The following PTPRG variants were observed in gnomAD, a reference collection of about 807,000 sequenced individuals.
PTPRG encodes receptor-type tyrosine-protein phosphatase gamma.
In PTPRG, 102 loss-of-function variants were observed where a neutral mutation model predicts 165.3. That is an observed-to-expected ratio of 0.62 (90% confidence interval 0.53 to 0.73). The LOEUF (loss-of-function observed/expected upper bound fraction) is 0.73, where lower values mean the gene tolerates loss of function less well. Ranked by LOEUF, PTPRG falls within the 30% of genes least tolerant of loss-of-function variation. PTPRG has a pLI of 0.00. For synonymous variants in PTPRG, 675 were observed against 669.5 expected (o/e 1.01, Z -0.13); for missense variants, 1,866 against 1,861.4 (o/e 1.00, Z -0.05).
chr3:62,078,059 A>C, intron 4 of PTPRG, 104 bp from the exon 5 acceptor site: 1 of 786,204 alleles, frequency 1.3e-6, no homozygotes, highest in Non-Finnish European at 2.0e-6. Context: ...AATTTGGCAA[A>C]ATCTTATTAG....
intron 2 of PTPRG, among the ~76,000 whole-genome samples, chr3:61,843,681 G>C (rs905056145): frequency 6.6e-6 from 1 of 151,626 alleles, no homozygotes; most frequent in African/African-American, 2.4e-5. Flanking sequence ...TTATTCTATC[G>C]GCAGGTTTCC....
intron 2 of PTPRG, among the ~76,000 whole-genome samples, chr3:61,831,250 AAT>A (rs2036284397): frequency 2.0e-5 from 3 of 152,232 alleles, no homozygotes; most frequent in Admixed American, 2.0e-4. Flanking sequence ...GAAATATAGA[AAT>A]ATGTGTGTAA....
chr3:61,564,909 G>A (rs1023557700), intron 1 of PTPRG, among the ~76,000 whole-genome samples: 21 of 152,244 alleles, frequency 1.4e-4, no homozygotes, highest in Non-Finnish European at 2.4e-4. Context: ...ACCCGCTGGG[G>A]GCTGGAGTTA....
chr3:61,761,707 C>T (rs1559597780), intron 2 of PTPRG, among the ~76,000 whole-genome samples: 1 of 152,192 alleles, frequency 6.6e-6, no homozygotes, highest in African/African-American at 2.4e-5. Flanking sequence ...TCCTTGGACA[C>T]GGGAAGCCAC....
At chr3:61,760,380 C>T (rs1273698094) in intron 2 of PTPRG, among the ~76,000 whole-genome samples, 4 of 152,100 alleles carry the variant, frequency 2.6e-5, no homozygotes, top group African/African-American at 9.7e-5. Context: ...TTTCTCGCTG[C>T]CCTGGAAACT....
chr3:61,578,312 A>G (rs991441095), intron 1 of PTPRG, among the ~76,000 whole-genome samples: 8 of 152,226 alleles, frequency 5.3e-5, no homozygotes, highest in African/African-American at 1.9e-4. Flanking sequence ...ACAGACTGAT[A>G]TAATCCATTG....
rs1269939253 is a variant in PTPRG at position 61,671,737 on chromosome 3, C to T, written c.86-77141C>T. The stretch of plus-strand genomic sequence containing the variant: ...GCGGCCGGGCAGAGGCGCCCCTCAC[C>T]TCCTGGACGGGGCGGCTGGCCGGGC... On this transcript the variant is annotated intron_variant, in intron 1 of 29. Transcript: ENST00000474889. Among the ~76,000 whole-genome samples the T allele has an allele frequency of 2.9e-3, 424 of 146,542 alleles. 3 individuals carry two copies. Among genetic ancestry groups the T allele is most frequent in the African/African-American group, 0.01 (409 of 39,154 alleles).
intron 1 of PTPRG, among the ~76,000 whole-genome samples, chr3:61,696,359 AGGTGT>A (rs1019090857): frequency 2.2e-4 from 34 of 152,072 alleles, no homozygotes; most frequent in African/African-American, 7.5e-4. Flanking sequence ...AAAATTAGCC[AGGTGT>A]GGTGGCAGGC....
chr3:62,118,865 C>T (rs754071420), intron 5 of PTPRG, among the ~76,000 whole-genome samples: 2 of 152,186 alleles, frequency 1.3e-5, no homozygotes, highest in Non-Finnish European at 2.9e-5. Flanking sequence ...ATCTTTTGGA[C>T]ATAAATCCCA....
At position 62,124,437 on chromosome 3, in the gene PTPRG, T is replaced by A. The variant is rs1703207640; in HGVS notation, c.616-8165T>A. On this transcript the variant is annotated intron_variant, in intron 5 of 29. Transcript: ENST00000474889. ...TGCAGGATTTCCATCTTGCTCACAT[T>A]CTTGTTCTGGGGGATGCTGGGCACC... 2.5e-6 allele frequency: 4 copies of A among 1,613,904 alleles called. No homozygotes were observed. The East Asian group carries it at 8.9e-5, about 36-fold the overall frequency.
intron 1 of PTPRG, among the ~76,000 whole-genome samples, chr3:61,741,557 C>T (rs1049957279): frequency 6.6e-6 from 1 of 152,216 alleles, no homozygotes; most frequent in Non-Finnish European, 1.5e-5. Context: ...TGTTACTACG[C>T]TGTTTTGCTT....
At chr3:62,159,254 C>T (rs1704653508) in intron 7 of PTPRG, among the ~76,000 whole-genome samples, 1 of 151,794 alleles carries the variant, frequency 6.6e-6, no homozygotes, top group South Asian at 2.1e-4. Context: ...TCACTTGAGT[C>T]TAGGAGGTCA....
intron 1 of PTPRG, among the ~76,000 whole-genome samples, chr3:61,685,162 G>A (rs545610266): frequency 6.6e-6 from 1 of 152,178 alleles, no homozygotes; most frequent in Non-Finnish European, 1.5e-5. Flanking sequence ...AAAAAATTGG[G>A]CAATGTGCTT....
rs146620357 is a variant in PTPRG at position 62,051,543 on chromosome 3, A to G, written c.520-26620A>G. Among the ~76,000 whole-genome samples the G allele has an allele frequency of 2.6e-5, 4 of 152,338 alleles. No homozygotes were observed. The East Asian group carries it at 7.7e-4, about 29-fold the overall frequency. On this transcript the variant is annotated intron_variant, in intron 4 of 29. Coordinates refer to ENST00000474889, the MANE Select transcript of PTPRG (RefSeq NM_002841.4). ...GAAGTACCTAATTTGGAATAATTATATTAAATTCAGATTCCAGGGCCCCCC... is the reference window on the plus strand; with the variant it reads ...GAAGTACCTAATTTGGAATAATTATGTTAAATTCAGATTCCAGGGCCCCCC...
intron 12 of PTPRG, among the ~76,000 whole-genome samples, chr3:62,205,878 A>G (rs922922951): frequency 1.1e-4 from 17 of 152,174 alleles, no homozygotes; most frequent in Non-Finnish European, 2.5e-4. Context: ...AAGACCTCTC[A>G]GGCCTCTGCG....
At chr3:62,251,386 G>T (rs1701414691) in intron 15 of PTPRG, among the ~76,000 whole-genome samples, 1 of 151,248 alleles carries the variant, frequency 6.6e-6, no homozygotes, top group Non-Finnish European at 1.5e-5. Context: ...TGGTGGCATG[G>T]GCCTGTAGTT....
At chr3:61,666,523 C>G (rs1702817352) in intron 1 of PTPRG, among the ~76,000 whole-genome samples, 1 of 152,102 alleles carries the variant, frequency 6.6e-6, no homozygotes, top group Admixed American at 6.5e-5. Context: ...TTGCATCTAG[C>G]AATGGAAGAA....
intron 5 of PTPRG, among the ~76,000 whole-genome samples, chr3:62,127,413 C>T (rs1161960701): frequency 6.6e-6 from 1 of 152,200 alleles, no homozygotes; most frequent in African/African-American, 2.4e-5. Flanking sequence ...TGTCCTCATA[C>T]AGCAAATTAG....
At chr3:61,979,990 C>T (rs556659554) in intron 2 of PTPRG, among the ~76,000 whole-genome samples, 1 of 152,132 alleles carries the variant, frequency 6.6e-6, no homozygotes, top group Admixed American at 6.6e-5. Context: ...CCTCAGCCCT[C>T]CTAAACACCA....
Sources: allele counts gnomAD v4.1 joint callset (sites outside exome capture counted in the v4.1 genomes callset), GRCh38; gene constraint gnomAD v4.1.1; transcripts MANE v1.5; gene names NCBI Gene and HGNC (gene_info 2026-07-23, HGNC 2026-07-21).